Variants in PRKN observed in about 807,000 individuals in gnomAD.
The protein encoded by PRKN is E3 ubiquitin-protein ligase parkin.
PRKN carries 56 observed loss-of-function variants against 59.5 expected under a neutral mutation model. That is an observed-to-expected ratio of 0.94 (90% confidence interval 0.76 to 1.18). The LOEUF (loss-of-function observed/expected upper bound fraction) is 1.18. Among genes scored for constraint, PRKN ranks in the 50% most tolerant of loss-of-function variants. The pLI, the probability that PRKN is intolerant of heterozygous loss-of-function variation, is 0.00. For missense variants in PRKN, 657 were observed against 596.4 expected, an observed-to-expected ratio of 1.10 and a Z score of -1.06; for synonymous variants, 250 against 222.1, an observed-to-expected ratio of 1.13 and a Z score of -1.12.
intron 9 of PRKN, among the ~76,000 whole-genome samples, chr6:161,514,092 T>G (rs1303935168): frequency 2.0e-5 from 3 of 151,738 alleles, no homozygotes; most frequent in Admixed American, 6.6e-5. Context: ...GTATATTTCC[T>G]GGTGCAACTA....
At chr6:162,315,362 A>G (rs1242975494) in intron 2 of PRKN, among the ~76,000 whole-genome samples, 1 of 152,210 alleles carries the variant, frequency 6.6e-6, no homozygotes, top group Non-Finnish European at 1.5e-5. Flanking sequence ...GAAAAGTGCT[A>G]ATGATTCAGA....
intron 6 of PRKN, among the ~76,000 whole-genome samples, chr6:161,927,505 C>G (rs892776990): frequency 6.6e-6 from 1 of 152,064 alleles, no homozygotes; most frequent in Non-Finnish European, 1.5e-5. Context: ...ATAGAGTCCA[C>G]TTTAATTATA....
intron 9 of PRKN, among the ~76,000 whole-genome samples, chr6:161,532,669 G>C (rs986123424): frequency 1.1e-4 from 16 of 152,130 alleles, no homozygotes; most frequent in African/African-American, 3.6e-4. Flanking sequence ...AGAAATCATG[G>C]GTTACGAGAC....
intron 7 of PRKN, among the ~76,000 whole-genome samples, chr6:161,724,499 A>C (rs1251845013): frequency 6.6e-6 from 1 of 152,200 alleles, no homozygotes; most frequent in Non-Finnish European, 1.5e-5. Flanking sequence ...TTATACTCTC[A>C]GTACTGCTGG....
At chr6:162,367,156 C>T (rs1260146414) in intron 2 of PRKN, among the ~76,000 whole-genome samples, 1 of 152,054 alleles carries the variant, frequency 6.6e-6, no homozygotes, top group Non-Finnish European at 1.5e-5. Context: ...TTATCAGGGA[C>T]TTTTTCCCCT....
In PRKN at chr6:162,238,868, C is replaced by T. The variant is rs765920206; in HGVS notation, c.412+23657G>A. ...TGGAGCAGGAAGCAAAGGATGATGC[C>T]GAGGCACGGGCCACGTGTGCAGTGC... is the stretch of plus-strand genomic sequence containing the variant. On this transcript the variant is annotated intron_variant, in intron 3 of 11. Coordinates refer to ENST00000366898, the MANE Select transcript of PRKN (RefSeq NM_004562.3). 2.6e-5 allele frequency among the ~76,000 whole-genome samples: 4 copies of T among 152,118 alleles called. No individual in the cohort carries two copies. The East Asian group carries it at 5.8e-4, about 22-fold the overall frequency.
chr6:161,829,734 C>T (rs1792400537), intron 6 of PRKN, among the ~76,000 whole-genome samples: 1 of 151,858 alleles, frequency 6.6e-6, no homozygotes, highest in Non-Finnish European at 1.5e-5. Flanking sequence ...AGCTGCAGCC[C>T]AGCTCCTCCA....
intron 4 of PRKN, among the ~76,000 whole-genome samples, chr6:162,167,237 G>A (rs982603211): frequency 3.3e-5 from 5 of 152,326 alleles, no homozygotes; most frequent in African/African-American, 9.6e-5. Flanking sequence ...TTGCGATAGA[G>A]GTAAGAGATC....
intron 7 of PRKN, among the ~76,000 whole-genome samples, chr6:161,744,697 A>G (rs1010193906): frequency 1.3e-5 from 2 of 152,210 alleles, no homozygotes; most frequent in Non-Finnish European, 2.9e-5. Flanking sequence ...TGACGCTCCT[A>G]GCTTCGAGAA....
Position 161,785,877 on chromosome 6 carries a change from G to A in PRKN, c.766C>T (p.Arg256Cys), listed in dbSNP as rs150562946. The A allele has an allele frequency of 6.0e-4, 973 of 1,614,074 alleles. 1 individual carries two copies. The highest frequency in any genetic ancestry group is 7.2e-4 in the Non-Finnish European group (852 of 1,179,950). Reference sequence around the variant, plus strand: ...AAACAGTCTAAGCAAATCACGTGGCGGGAGTTGCACTGGAAAACCAGGACG... The same window carrying A: ...AAACAGTCTAAGCAAATCACGTGGCAGGAGTTGCACTGGAAAACCAGGACG... ...SPVLVFQCNSRHVICLDCFHL... is the reference protein window; with the variant it reads ...SPVLVFQCNSCHVICLDCFHL... The change falls in exon 7 of 12, where the codon CGC (arginine) becomes TGC (cysteine). Residue 256 changes from arginine (R) to cysteine (C), a missense_variant. Coordinates refer to ENST00000366898, the MANE Select transcript of PRKN (RefSeq NM_004562.3).
chr6:161,598,933 G>C (rs1054457596), intron 7 of PRKN, among the ~76,000 whole-genome samples: 1 of 152,194 alleles, frequency 6.6e-6, no homozygotes, highest in African/African-American at 2.4e-5. Flanking sequence ...AAGGTCATGA[G>C]GGTGGGCCCT....
chr6:161,939,497 C>T (rs568079947), intron 6 of PRKN, among the ~76,000 whole-genome samples: 3 of 148,720 alleles, frequency 2.0e-5, no homozygotes, highest in African/African-American at 5.0e-5. Context: ...TTTGGGAGGC[C>T]GAGGCAGGCA....
At position 161,468,996 on chromosome 6, in the gene PRKN, A is replaced by T. The variant is rs1362586163; in HGVS notation, c.1083+79858T>A. On this transcript the variant is annotated intron_variant, in intron 9 of 11. Transcript: ENST00000366898. The surrounding 1 kb of genome is among the most constrained non-coding windows in gnomAD (Gnocchi z 5.9). Reference sequence around the variant, plus strand: ...CCTACAGGCCAAGTAAAATTCCTTCATGCATCTCCTAATGACTCCCCACCA... The same window carrying T: ...CCTACAGGCCAAGTAAAATTCCTTCTTGCATCTCCTAATGACTCCCCACCA... Among the ~76,000 whole-genome samples the T allele has an allele frequency of 1.3e-5, 2 of 152,104 alleles. No homozygotes were observed. Among genetic ancestry groups the T allele is most frequent in the Non-Finnish European group, 2.9e-5 (2 of 68,006 alleles).
chr6:161,996,520 T>G (rs1781850230), intron 5 of PRKN, among the ~76,000 whole-genome samples: 1 of 152,144 alleles, frequency 6.6e-6, no homozygotes, highest in African/African-American at 2.4e-5. Context: ...TATTCCAAAT[T>G]TACTGAAATT....
At chr6:162,587,102 A>G (rs1469309902) in intron 1 of PRKN, among the ~76,000 whole-genome samples, 5 of 152,316 alleles carry the variant, frequency 3.3e-5, no homozygotes, top group Non-Finnish European at 5.9e-5. Flanking sequence ...AAATGTTTTT[A>G]TAAGAACATA....
intron 4 of PRKN, among the ~76,000 whole-genome samples, chr6:162,173,076 C>T (rs1204283657): frequency 2.0e-5 from 3 of 152,122 alleles, no homozygotes; most frequent in African/African-American, 4.8e-5. Flanking sequence ...AATACCTCCC[C>T]ATTTCTCAAT....
chr6:162,333,530 C>T (rs1427799859), intron 2 of PRKN, among the ~76,000 whole-genome samples: 2 of 152,088 alleles, frequency 1.3e-5, no homozygotes, highest in East Asian at 3.9e-4. Flanking sequence ...ACATAAATAT[C>T]GTCTAGTTTT....
At chr6:162,482,608 T>C (rs148236197) in intron 1 of PRKN, among the ~76,000 whole-genome samples, 202 of 152,326 alleles carry the variant, frequency 1.3e-3, no homozygotes, top group African/African-American at 4.7e-3. Context: ...TAATGTTGAT[T>C]GGTTATCCAT....
At chr6:161,709,514 A>G (rs942682198) in intron 7 of PRKN, among the ~76,000 whole-genome samples, 1 of 152,236 alleles carries the variant, frequency 6.6e-6, no homozygotes, top group Non-Finnish European at 1.5e-5. Flanking sequence ...ATATTAATTT[A>G]ACCTCTAGGA....
Sources: allele counts gnomAD v4.1 joint callset (sites outside exome capture counted in the v4.1 genomes callset), GRCh38; gene constraint gnomAD v4.1.1; non-coding constraint Gnocchi (gnomAD v3.1); transcripts MANE v1.5; gene names NCBI Gene and HGNC (gene_info 2026-07-23, HGNC 2026-07-21).